Variants in KLF12 observed in about 807,000 individuals in gnomAD.
KLF12 encodes Krueppel-like factor 12.
A neutral mutation model predicts 37.8 loss-of-function variants in KLF12; 9 were observed. The observed-to-expected ratio is 0.24, with a 90% CI of 0.14 to 0.42. The LOEUF is 0.42. Among genes scored for constraint, KLF12 ranks in the 10% least tolerant of loss-of-function variants. The probability of loss-of-function intolerance (pLI) is 1.00; values close to 1 mark genes in which losing one functional copy is unlikely to be tolerated. For missense variants in KLF12, 411 were observed against 516.0 expected (o/e 0.80, Z 1.97); for synonymous variants, 208 against 202.1 (o/e 1.03, Z -0.25).
intron 3 of KLF12, among the ~76,000 whole-genome samples, chr13:73,894,559 C>G (rs1324480619): frequency 6.6e-6 from 1 of 152,228 alleles, no homozygotes; most frequent in Non-Finnish European, 1.5e-5. Flanking sequence ...CACGCCCACT[C>G]TACTAAACTC....
At chr13:74,161,380 G>A in the KLF12 span, among the ~76,000 whole-genome samples, 4,580 of 152,038 alleles carry the variant, frequency 0.03, 229 homozygotes, top group African/African-American at 0.1. Flanking sequence ...TTAAAGCCTG[G>A]TGCCTTTGCA....
At chr13:73,775,407 T>C (rs1880551089) in intron 5 of KLF12, among the ~76,000 whole-genome samples, 1 of 152,144 alleles carries the variant, frequency 6.6e-6, no homozygotes, top group African/African-American at 2.4e-5. Flanking sequence ...TTTGGGGAAA[T>C]TTAGATTATG....
chr13:73,788,633 CCTG>C (rs917941609), intron 5 of KLF12, among the ~76,000 whole-genome samples: 133 of 145,990 alleles, frequency 9.1e-4, no homozygotes, highest in African/African-American at 3.5e-3. Flanking sequence ...TCTATAAATG[CCTG>C]CTAATTTTTT....
the KLF12 span, among the ~76,000 whole-genome samples, chr13:74,279,082 G>C: frequency 6.6e-5 from 10 of 152,246 alleles, no homozygotes; most frequent in East Asian, 1.9e-3. Context: ...CTACATCCAT[G>C]TACTAGTGGG....
chr13:74,280,891 A>T, the KLF12 span, among the ~76,000 whole-genome samples: 1 of 148,974 alleles, frequency 6.7e-6, no homozygotes. Flanking sequence ...AGGAAAACAA[A>T]CTCAAGAATA....
intron 6 of KLF12, 90 bp from the exon 7 acceptor site, chr13:73,715,615 A>G: frequency 7.7e-7 from 1 of 1,302,974 alleles, no homozygotes; most frequent in South Asian, 1.4e-5. Context: ...CAGACACTAC[A>G]GCTTCACAGA....
chr13:73,735,640 T>A (rs1840771166), intron 6 of KLF12, among the ~76,000 whole-genome samples: 1 of 152,174 alleles, frequency 6.6e-6, no homozygotes, highest in Admixed American at 6.5e-5. Context: ...GGTAAAGTGA[T>A]CTACTTGGAA....
intron 1 of KLF12, among the ~76,000 whole-genome samples, chr13:74,021,559 C>A (rs879018771): frequency 6.6e-6 from 1 of 152,106 alleles, no homozygotes; most frequent in Non-Finnish European, 1.5e-5. Flanking sequence ...CTAGTACAGG[C>A]ATGGGAGAGC....
In KLF12 at chr13:73,989,840, C is replaced by A. The variant is rs76711117; in HGVS notation, c.33+5150G>T. On this transcript the variant is annotated intron_variant, in intron 2 of 7. Coordinates refer to ENST00000377669, the MANE Select transcript of KLF12 (RefSeq NM_007249.5). ...TGAAGAACAATCACAGGAGAAATAA[C>A]CCAAGCAAACAGATGAGGAATTTAG... 6.6e-5 allele frequency among the ~76,000 whole-genome samples: 10 copies of A among 152,010 alleles called. No homozygotes were observed. The East Asian group carries it at 1.9e-3, about 29-fold the overall frequency.
chr13:74,218,888 T>C, the KLF12 span, among the ~76,000 whole-genome samples: 2 of 152,032 alleles, frequency 1.3e-5, no homozygotes, highest in East Asian at 3.9e-4. Context: ...TATCCCCTTA[T>C]ACCACACCCC....
chr13:73,883,122 T>C (rs1351204029), intron 3 of KLF12, among the ~76,000 whole-genome samples: 1 of 150,244 alleles, frequency 6.7e-6, no homozygotes, highest in African/African-American at 2.4e-5. Context: ...ATTGTCCCCC[T>C]CTTTTTAAAA....
chr13:73,937,245 G>A (rs1889985423), intron 3 of KLF12, among the ~76,000 whole-genome samples: 1 of 151,914 alleles, frequency 6.6e-6, no homozygotes, highest in African/African-American at 2.4e-5. Flanking sequence ...TATAAACTCT[G>A]AACCGGTATG....
chr13:74,210,059 T>G, the KLF12 span, among the ~76,000 whole-genome samples: 1 of 152,170 alleles, frequency 6.6e-6, no homozygotes, highest in Non-Finnish European at 1.5e-5. Flanking sequence ...ATCATTACTT[T>G]GGGGATGTGA....
At chr13:73,901,681 T>C (rs949502707) in intron 3 of KLF12, among the ~76,000 whole-genome samples, 1 of 152,170 alleles carries the variant, frequency 6.6e-6, no homozygotes, top group Non-Finnish European at 1.5e-5. Flanking sequence ...ACTTCCCTAA[T>C]GCAGCAAAGC....
the KLF12 span, chr13:74,257,479 ATGG>A: frequency 6.6e-6 from 1 of 152,180 alleles, no homozygotes; most frequent in Non-Finnish European, 1.5e-5. Context: ...CAAGAGCTTG[ATGG>A]TCAGTGTGAG....
At chr13:74,099,725 A>G (rs1006505874) in intron 1 of KLF12, among the ~76,000 whole-genome samples, 1 of 152,178 alleles carries the variant, frequency 6.6e-6, no homozygotes, top group East Asian at 1.9e-4. Flanking sequence ...CACATAATTC[A>G]GCTATTTCAC....
chr13:74,106,485 T>A (rs1876658189), intron 1 of KLF12, among the ~76,000 whole-genome samples: 1 of 152,214 alleles, frequency 6.6e-6, no homozygotes, highest in Non-Finnish European at 1.5e-5. Flanking sequence ...TACTCAACAC[T>A]ATACTTCAAG....
chr13:74,135,094 G>A (rs1878496227), upstream of KLF12, among the ~76,000 whole-genome samples: 1 of 151,494 alleles, frequency 6.6e-6, no homozygotes, highest in Admixed American at 6.6e-5. Flanking sequence ...GGCAGGCAGG[G>A]GAGTCATTGT....
intron 1 of KLF12, among the ~76,000 whole-genome samples, chr13:74,060,751 G>A (rs1314514200): frequency 6.6e-6 from 1 of 152,114 alleles, no homozygotes; most frequent in African/African-American, 2.4e-5. Context: ...CAATTTGGAT[G>A]TCTTTTATTT....
Sources: gnomAD v4.1 joint callset for allele counts (sites outside exome capture counted in the v4.1 genomes callset) on GRCh38, gnomAD v4.1.1 for gene constraint, MANE v1.5 for transcripts, NCBI Gene and HGNC (gene_info 2026-07-23, HGNC 2026-07-21) for gene names.